The following SAMTOR variants were observed in gnomAD, a reference collection of about 807,000 sequenced individuals.
SAMTOR encodes S-adenosylmethionine sensor upstream of mTORC1.
chr7:112,864,284 C>G, the SAMTOR span, among the ~76,000 whole-genome samples: 4 of 152,078 alleles, frequency 2.6e-5, no homozygotes. Flanking sequence ...CTAATGGGTA[C>G]TAGGCTTAAT....
chr7:112,934,224 G>A, the SAMTOR span, among the ~76,000 whole-genome samples: 1 of 152,112 alleles, frequency 6.6e-6, no homozygotes, highest in Non-Finnish European at 1.5e-5. Flanking sequence ...CTAACTACTG[G>A]TGTGTTCCAA....
the SAMTOR span, among the ~76,000 whole-genome samples, chr7:112,917,644 T>G: frequency 1.3e-5 from 2 of 152,094 alleles, no homozygotes; most frequent in South Asian, 4.1e-4. Context: ...ACGATCAAAC[T>G]ACTCCGAGCT....
the SAMTOR span, among the ~76,000 whole-genome samples, chr7:112,926,833 C>A: frequency 6.6e-6 from 1 of 151,992 alleles, no homozygotes; most frequent in Non-Finnish European, 1.5e-5. Context: ...ATATCCTATG[C>A]AAGGCATCCT....
the SAMTOR span, among the ~76,000 whole-genome samples, chr7:112,850,176 G>C: frequency 2.6e-5 from 4 of 151,936 alleles, no homozygotes; most frequent in Non-Finnish European, 5.9e-5. Context: ...ACTCCAGCCT[G>C]GGTAACAAGA....
the SAMTOR span, among the ~76,000 whole-genome samples, chr7:112,885,847 C>T: frequency 2.6e-5 from 4 of 152,080 alleles, no homozygotes; most frequent in African/African-American, 9.7e-5. Context: ...ATAGCAACAC[C>T]CCACTTTCTG....
chr7:112,923,313 C>T, the SAMTOR span, among the ~76,000 whole-genome samples: 2 of 151,826 alleles, frequency 1.3e-5, no homozygotes, highest in Non-Finnish European at 2.9e-5. Context: ...ACTCCCTAAT[C>T]TCAAGTACCC....
At chr7:112,848,343 C>T in the SAMTOR span, among the ~76,000 whole-genome samples, 1 of 152,176 alleles carries the variant, frequency 6.6e-6, no homozygotes, top group Non-Finnish European at 1.5e-5. Flanking sequence ...TACATGTATA[C>T]ATACCTATAA....
At chr7:112,853,826 T>C in the SAMTOR span, among the ~76,000 whole-genome samples, 11 of 152,290 alleles carry the variant, frequency 7.2e-5, no homozygotes, top group African/African-American at 1.9e-4. Context: ...AAAGATTCTA[T>C]GGTTAAAATA....
the SAMTOR span, among the ~76,000 whole-genome samples, chr7:112,937,225 T>C: frequency 7.2e-5 from 11 of 152,312 alleles, no homozygotes; most frequent in African/African-American, 2.6e-4. Flanking sequence ...TGCTAAATGC[T>C]AAGAGGTTCC....
the SAMTOR span, among the ~76,000 whole-genome samples, chr7:112,847,384 CTCTATTTCAGATTACCTTTTAT>C: frequency 6.6e-6 from 1 of 152,200 alleles, no homozygotes; most frequent in Non-Finnish European, 1.5e-5. Context: ...GTTATCCAAA[CTCTATTTCAGATTACCTTTTAT>C]TCACAGAGTA....
the SAMTOR span, chr7:112,820,998 A>G: frequency 6.6e-6 from 1 of 152,478 alleles, no homozygotes; most frequent in Non-Finnish European, 1.5e-5. Context: ...AGTAAAAGTG[A>G]ACTCTCAGGT....
chr7:112,859,204 C>T, the SAMTOR span, among the ~76,000 whole-genome samples: 3 of 152,190 alleles, frequency 2.0e-5, no homozygotes, highest in Non-Finnish European at 2.9e-5. Flanking sequence ...TCATGTGCAT[C>T]AGTTCCTTAA....
At chr7:112,901,471 A>C in the SAMTOR span, among the ~76,000 whole-genome samples, 1 of 152,228 alleles carries the variant, frequency 6.6e-6, no homozygotes, top group Non-Finnish European at 1.5e-5. Context: ...CAGGGCTCTC[A>C]CTGATTCTAC....
At chr7:112,831,318 A>G in the SAMTOR span, among the ~76,000 whole-genome samples, 2 of 152,232 alleles carry the variant, frequency 1.3e-5, no homozygotes, top group Admixed American at 1.3e-4. Flanking sequence ...TCTTTAAAAA[A>G]TGCCTTTAAC....
chr7:112,895,857 G>T, the SAMTOR span: 2 of 623,856 alleles, frequency 3.2e-6, no homozygotes, highest in Non-Finnish European at 2.4e-6. Context: ...TTTCTGCTTT[G>T]AAAATGTCAA....
chr7:112,902,895 C>T, the SAMTOR span, among the ~76,000 whole-genome samples: 2 of 152,204 alleles, frequency 1.3e-5, no homozygotes, highest in African/African-American at 4.8e-5. Flanking sequence ...ATGTATTAAA[C>T]TGAGAGGGAC....
chr7:112,935,486 C>T, the SAMTOR span, among the ~76,000 whole-genome samples: 1 of 152,118 alleles, frequency 6.6e-6, no homozygotes, highest in African/African-American at 2.4e-5. Flanking sequence ...ATATATTTTT[C>T]AGCTTATCCT....
the SAMTOR span, among the ~76,000 whole-genome samples, chr7:112,865,036 G>A: frequency 6.6e-6 from 1 of 152,194 alleles, no homozygotes; most frequent in African/African-American, 2.4e-5. Flanking sequence ...TTACAGGTGT[G>A]AGCCACCAGC....
chr7:112,877,939 C>T, the SAMTOR span, among the ~76,000 whole-genome samples: 1 of 152,128 alleles, frequency 6.6e-6, no homozygotes, highest in Non-Finnish European at 1.5e-5. Context: ...TGATGTTATG[C>T]TTCTTATATA....
Sources: allele counts gnomAD v4.1 joint callset (sites outside exome capture counted in the v4.1 genomes callset), GRCh38; gene constraint gnomAD v4.1.1; transcripts MANE v1.5; gene names NCBI Gene and HGNC (gene_info 2026-07-23, HGNC 2026-07-21).